LPP: variants seen among roughly 807,000 people sequenced by gnomAD.
LPP encodes the protein lipoma-preferred partner.
In LPP, 38 loss-of-function variants were observed where a neutral mutation model predicts 60.4. That is an observed-to-expected ratio of 0.63 (90% CI 0.49 to 0.83). LPP has a LOEUF of 0.83. LPP is among the 40% of genes least tolerant of loss of function. The probability of loss-of-function intolerance (pLI) is 0.00; values close to 1 mark genes in which losing one functional copy is unlikely to be tolerated. For synonymous variants in LPP, 328 were observed against 290.8 expected, an observed-to-expected ratio of 1.13 and a Z score of -1.30; for missense variants, 902 against 783.6, an observed-to-expected ratio of 1.15 and a Z score of -1.80.
chr3:188,592,546 G>GTTTTTTTTTTTTTTTTT (rs1553936323), intron 6 of LPP, among the ~76,000 whole-genome samples: 1 of 98,374 alleles, frequency 1.0e-5, no homozygotes, highest in Non-Finnish European at 2.3e-5. Context: ...ACTGTTTTTA[G>GTTTTTTTTTTTTTTTTT]TTTTGTTTTT....
At chr3:188,687,267 A>G (rs945949283) in intron 7 of LPP, among the ~76,000 whole-genome samples, 11 of 152,060 alleles carry the variant, frequency 7.2e-5, no homozygotes, top group African/African-American at 2.7e-4. Flanking sequence ...CTGGTATACC[A>G]TAGTCTGTTC....
At chr3:188,196,328 A>C (rs574239770) in intron 1 of LPP, among the ~76,000 whole-genome samples, 1 of 152,286 alleles carries the variant, frequency 6.6e-6, no homozygotes, top group East Asian at 1.9e-4. Flanking sequence ...CATGGGGCTC[A>C]CCGTGTCTTT....
chr3:188,260,236 T>A (rs1199402693), intron 2 of LPP, among the ~76,000 whole-genome samples: 2 of 152,122 alleles, frequency 1.3e-5, no homozygotes, highest in East Asian at 3.9e-4. Context: ...AGAGACAGGG[T>A]TTCACCATGT....
intron 4 of LPP, among the ~76,000 whole-genome samples, chr3:188,421,317 C>T (rs1787736263): frequency 6.6e-6 from 1 of 152,046 alleles, no homozygotes; most frequent in Non-Finnish European, 1.5e-5. Context: ...ACCACAATAG[C>T]TTGGGTAGAA....
At chr3:188,530,151 G>A (rs896457732) in intron 6 of LPP, among the ~76,000 whole-genome samples, 16 of 121,506 alleles carry the variant, frequency 1.3e-4, no homozygotes, top group African/African-American at 4.1e-4. Context: ...GATTACTGCT[G>A]AAAAACTCAA....
intron 1 of LPP, among the ~76,000 whole-genome samples, chr3:188,216,069 C>T (rs1156682067): frequency 6.6e-6 from 1 of 152,066 alleles, no homozygotes; most frequent in Non-Finnish European, 1.5e-5. Flanking sequence ...GCTTTATTTT[C>T]TCCTCTCCTT....
At chr3:188,735,761 G>C (rs1267753270) in intron 8 of LPP, among the ~76,000 whole-genome samples, 1 of 152,172 alleles carries the variant, frequency 6.6e-6, no homozygotes, top group African/African-American at 2.4e-5. Context: ...CAGACATATG[G>C]AGTTTCAAAC....
chr3:188,707,696 CA>C (rs1381855853), intron 7 of LPP, among the ~76,000 whole-genome samples: 1 of 152,166 alleles, frequency 6.6e-6, no homozygotes, highest in Non-Finnish European at 1.5e-5. Context: ...TCCCGAAGTA[CA>C]CAACTTCCAC....
intron 3 of LPP, among the ~76,000 whole-genome samples, chr3:188,388,549 A>G (rs1778911397): frequency 6.6e-6 from 1 of 152,226 alleles, no homozygotes; most frequent in Non-Finnish European, 1.5e-5. Context: ...ACATAAGGCA[A>G]CTGCACGTGG....
At chr3:188,418,965 G>A (rs1421773491) in intron 4 of LPP, among the ~76,000 whole-genome samples, 1 of 151,956 alleles carries the variant, frequency 6.6e-6, no homozygotes, top group African/African-American at 2.4e-5. Context: ...ATTTTAATTC[G>A]TCATTATTTT....
At chr3:188,807,449 T>C (rs1323320480) in intron 9 of LPP, among the ~76,000 whole-genome samples, 2 of 152,048 alleles carry the variant, frequency 1.3e-5, no homozygotes, top group African/African-American at 2.4e-5. Flanking sequence ...ATTTTTATTT[T>C]GTTTTGGTGG....
intron 9 of LPP, among the ~76,000 whole-genome samples, chr3:188,813,514 T>C (rs1751651151): frequency 6.6e-6 from 1 of 152,218 alleles, no homozygotes. Flanking sequence ...ATCTCCAGAA[T>C]ATGAATTCTT....
chr3:188,303,781 C>T (rs927679687), intron 2 of LPP, among the ~76,000 whole-genome samples: 3 of 152,126 alleles, frequency 2.0e-5, no homozygotes, highest in Non-Finnish European at 4.4e-5. Flanking sequence ...CCAGTACCCT[C>T]CCTGGAGATT....
rs1728544757 is a variant in LPP at position 188,752,873 on chromosome 3, A to G, written c.1241-7240A>G. ...AGCTAGAGTTGAAGGGTCAACACCC[A>G]AGAGCTGCAGTGGAGGACCATCACC... On this transcript the variant is annotated intron_variant, in intron 8 of 11. Coordinates refer to ENST00000617246, the MANE Select transcript of LPP (RefSeq NM_001375462.1). 2.0e-5 allele frequency among the ~76,000 whole-genome samples: 3 copies of G among 152,202 alleles called. No homozygotes were observed. In the South Asian group the frequency reaches 6.2e-4, roughly 32 times the overall value.
intron 7 of LPP, among the ~76,000 whole-genome samples, chr3:188,675,866 A>AT (rs755475730): frequency 1.2e-4 from 18 of 152,178 alleles, no homozygotes; most frequent in South Asian, 4.1e-4. Flanking sequence ...GCACCCAGGA[A>AT]TCATGTCTTC....
At chr3:188,283,892 G>A (rs1443026692) in intron 2 of LPP, among the ~76,000 whole-genome samples, 7 of 151,924 alleles carry the variant, frequency 4.6e-5, no homozygotes, top group South Asian at 4.2e-4. Flanking sequence ...CAGGAGAATC[G>A]CTTGAACCCA....
chr3:188,541,119 C>T (rs1825040811), intron 6 of LPP, among the ~76,000 whole-genome samples: 1 of 152,190 alleles, frequency 6.6e-6, no homozygotes, highest in South Asian at 2.1e-4. Flanking sequence ...TTTACTAACC[C>T]TATCATTGGC....
chr3:188,842,854 C>G (rs1760381769), intron 9 of LPP, among the ~76,000 whole-genome samples: 1 of 152,124 alleles, frequency 6.6e-6, no homozygotes, highest in Non-Finnish European at 1.5e-5. Flanking sequence ...AGAAAGTTCC[C>G]TTAAGTTCCC....
intron 2 of LPP, among the ~76,000 whole-genome samples, chr3:188,281,080 G>A (rs1035085316): frequency 7.9e-5 from 12 of 151,956 alleles, no homozygotes; most frequent in African/African-American, 2.7e-4. Flanking sequence ...GATTACAGGC[G>A]ACAAAGGAAT....
Sources: allele counts gnomAD v4.1 joint callset (sites outside exome capture counted in the v4.1 genomes callset), GRCh38; gene constraint gnomAD v4.1.1; transcripts MANE v1.5; gene names NCBI Gene and HGNC (gene_info 2026-07-23, HGNC 2026-07-21).